The following MPV17L variants were observed in gnomAD, a reference collection of about 807,000 sequenced individuals.
MPV17L encodes MPV17 mitochondrial inner membrane protein like.
A neutral mutation model predicts 25.8 loss-of-function variants in MPV17L; 24 were observed. That is an observed-to-expected ratio of 0.93 (90% confidence interval 0.67 to 1.31). MPV17L has a LOEUF of 1.31. MPV17L is among the 50% of genes most tolerant of loss of function. The probability of loss-of-function intolerance (pLI) is 0.00; values close to 1 mark genes in which losing one functional copy is unlikely to be tolerated. For synonymous variants in MPV17L, 102 were observed against 115.3 expected (o/e 0.88, Z 0.74); for missense variants, 250 against 265.6 (o/e 0.94, Z 0.41).
In MPV17L at chr16:15,412,620, G is replaced by T. The variant is rs1383544299; in HGVS notation, c.*4508G>T. 1 of 149,676 alleles carries T rather than the reference G, an allele frequency of 6.7e-6. No homozygotes were observed. Among genetic ancestry groups the T allele is most frequent in the Non-Finnish European group, 1.5e-5 (1 of 67,638 alleles). The allele number at this position is 149,676 out of a possible 1,614,324, so 9.3% of individuals were successfully genotyped here. ...AGACAGAGTTTCGCTTTGTAGCCCA[G>T]GTTGGAGTGCAGTGTCGCGATCTCG... On this transcript the variant is annotated 3_prime_UTR_variant, in exon 4 of 4. Transcript: ENST00000396385.
chr16:15,404,013 A>G (rs1188805633), intron 2 of MPV17L, among the ~76,000 whole-genome samples: 1 of 151,844 alleles, frequency 6.6e-6, no homozygotes. Context: ...TAAAAATACA[A>G]AAATTAGCAT....
intron 2 of MPV17L, among the ~76,000 whole-genome samples, chr16:15,406,365 G>C (rs1361861078): frequency 2.0e-5 from 3 of 151,968 alleles, no homozygotes; most frequent in African/African-American, 7.2e-5. Context: ...TTAGTAAAAA[G>C]AAGAAAATAA....
chr16:15,397,348 C>A (rs1041950610), intron 1 of MPV17L, among the ~76,000 whole-genome samples: 11 of 152,138 alleles, frequency 7.2e-5, no homozygotes, highest in Non-Finnish European at 1.6e-4. Context: ...CTACAAGTAA[C>A]CTGGGGTCAC....
chr16:15,404,782 A>C (rs2050666780), intron 2 of MPV17L, among the ~76,000 whole-genome samples: 1 of 152,178 alleles, frequency 6.6e-6, no homozygotes, highest in Admixed American at 6.5e-5. Context: ...AGATTGCACC[A>C]CTGCACTCCA....
rs556525697 is a variant in MPV17L at position 15,409,798 on chromosome 16, C to G, written c.*1686C>G. ...AAGGTGCTGGGATTATAGGCATGAG[C>G]CACCGCACCTGGCTCAGTAAGTACA... On this transcript the variant is annotated 3_prime_UTR_variant, in exon 4 of 4. Transcript: ENST00000396385. The G allele has an allele frequency of 6.6e-6, 1 of 152,170 alleles. No homozygotes were observed. Among genetic ancestry groups the G allele is most frequent in the African/African-American group, 2.4e-5 (1 of 41,438 alleles). The allele number at this position is 152,170 out of a possible 1,614,324, so 9.4% of individuals were successfully genotyped here.
rs776145512 is a variant in MPV17L, at chr16:15,400,853, A to T, written c.377A>T (p.Tyr126Phe). The T allele has an allele frequency of 1.3e-6, 2 of 1,598,468 alleles. No individual in the cohort carries two copies. Among genetic ancestry groups the T allele is most frequent in the Non-Finnish European group, 1.7e-6 (2 of 1,171,516 alleles). ...LDLKQKFWNT[Y>F]LSGLMYWPFV... is the part of the protein sequence containing the mutation. ...CTGAAACAGAAATTCTGGAATACCT[A>T]TCTGGTAAGATAGGCGTTTGAAAAT... Residue 126 changes from tyrosine (Y) to phenylalanine (F), a missense_variant, in exon 2 of 4, where the codon TAT becomes TTT. Physicochemically the swap from Tyr to Phe is conservative, Grantham distance 22. Coordinates refer to ENST00000396385, the MANE Select transcript of MPV17L (RefSeq NM_001128423.2).
chr16:15,402,981 A>T (rs1216046793), intron 2 of MPV17L, among the ~76,000 whole-genome samples: 1 of 151,272 alleles, frequency 6.6e-6, no homozygotes, highest in Non-Finnish European at 1.5e-5. Flanking sequence ...ATACCCAGCC[A>T]CTTCTTCTGT....
In MPV17L at chr16:15,408,170, C is replaced by T. The variant is rs1403567431; in HGVS notation, c.*58C>T. 1.5e-6 allele frequency: 2 copies of T among 1,364,036 alleles called. No homozygotes were observed. The highest frequency in any genetic ancestry group is 3.7e-4 in the Middle Eastern group (2 of 5,408). The allele number at this position is 1,364,036 out of a possible 1,614,324, so 84.5% of individuals were successfully genotyped here. On this transcript the variant is annotated 3_prime_UTR_variant, in exon 4 of 4. Coordinates refer to ENST00000396385, the MANE Select transcript of MPV17L (RefSeq NM_001128423.2). The stretch of plus-strand genomic sequence containing the variant: ...TTTTACCTAAAATGCACAGAATTGC[C>T]TGCAGACAAAATATTTGATGTGCCA...
In MPV17L at chr16:15,395,978, C is replaced by T. The variant is rs746870236; in HGVS notation, c.81C>T (p.Leu27=). The T allele has an allele frequency of 5.3e-6, 8 of 1,513,458 alleles. No homozygotes were observed. Among genetic ancestry groups the T allele is most frequent in the South Asian group, 5.0e-5 (4 of 80,580 alleles). The allele number at this position is 1,513,458 out of a possible 1,614,324, so 93.8% of individuals were successfully genotyped here. ...CCAACGTGCTGCTTTACGGCTCGCT[C>T]GTCTCGGCCGGGGACGCGCTGCAAC... ...WPTNVLLYGS[L]VSAGDALQQR... is the part of the protein sequence containing the mutation. The change falls in exon 1 of 4, where the codon CTC becomes CTT. Residue 27 remains leucine (L), a synonymous_variant. Coordinates refer to ENST00000396385, the MANE Select transcript of MPV17L (RefSeq NM_001128423.2).
rs2050736353 is a variant in MPV17L, at chr16:15,411,870, T to A, written c.*3758T>A. 1 of 152,194 alleles carries A rather than the reference T, an allele frequency of 6.6e-6. No homozygotes were observed. The highest frequency in any genetic ancestry group is 1.5e-5 in the Non-Finnish European group (1 of 68,058). The allele number at this position is 152,194 out of a possible 1,614,324, so 9.4% of individuals were successfully genotyped here. Reference sequence around the variant, plus strand: ...AGGTGGCTGAGACAGGAGAATCGCTTGAACCTGGGAGGCATAGGTTGTAGT... The same window carrying A: ...AGGTGGCTGAGACAGGAGAATCGCTAGAACCTGGGAGGCATAGGTTGTAGT... On this transcript the variant is annotated 3_prime_UTR_variant, in exon 4 of 4. Transcript: ENST00000396385.
At chr16:15,400,453 C>T (rs1356743447) in intron 1 of MPV17L, among the ~76,000 whole-genome samples, 2 of 151,002 alleles carry the variant, frequency 1.3e-5, no homozygotes, top group South Asian at 2.1e-4. Context: ...CAGGCTCAAG[C>T]GATCCTCCCA....
chr16:15,403,368 CAAAAAAA>C (rs36042308), intron 2 of MPV17L, among the ~76,000 whole-genome samples: 1 of 73,050 alleles, frequency 1.4e-5, no homozygotes, highest in African/African-American at 5.8e-5. Flanking sequence ...GACTCCGTCT[CAAAAAAA>C]AAAAAAAAAA....
intron 2 of MPV17L, 109 bp from the exon 3 acceptor site, chr16:15,407,715 C>A (rs554007786): frequency 1.9e-6 from 2 of 1,069,108 alleles, no homozygotes; most frequent in African/African-American, 3.2e-5. Context: ...GCACTCCAGT[C>A]TGGGCAACAG....
chr16:15,411,500 G>A lies in MPV17L; in HGVS notation c.*3388G>A, dbSNP rs970131727. On this transcript the variant is annotated 3_prime_UTR_variant, in exon 4 of 4. Coordinates refer to ENST00000396385, the MANE Select transcript of MPV17L (RefSeq NM_001128423.2). Reference sequence around the variant, plus strand: ...GTCTCTCCAAAACCTACAAAAATTAGCCAAGCATGGTGGTGTGAGCCTGTA... The same window carrying A: ...GTCTCTCCAAAACCTACAAAAATTAACCAAGCATGGTGGTGTGAGCCTGTA... 4 of 151,930 alleles carry A rather than the reference G, an allele frequency of 2.6e-5. No homozygotes were observed. The highest frequency in any genetic ancestry group is 9.7e-5 in the African/African-American group (4 of 41,346). 9.4% of individuals were successfully genotyped at this position (151,930 alleles called of 1,614,324 possible).
At chr16:15,400,588 A>T (rs561058538) in intron 1 of MPV17L, among the ~76,000 whole-genome samples, 199 bp from the exon 2 acceptor site, 1 of 152,026 alleles carries the variant, frequency 6.6e-6, no homozygotes, top group South Asian at 2.1e-4. Context: ...GGACTCAAGC[A>T]ATCTGCCTGC....
intron 2 of MPV17L, among the ~76,000 whole-genome samples, chr16:15,401,453 A>G (rs1407477108): frequency 1.3e-5 from 2 of 152,068 alleles, no homozygotes; most frequent in African/African-American, 2.4e-5. Flanking sequence ...TGACATAGAA[A>G]TCTTAAAGTT....
intron 2 of MPV17L, among the ~76,000 whole-genome samples, chr16:15,404,916 G>C (rs222906): frequency 0.21 from 32,544 of 152,108 alleles, 4,145 homozygotes; most frequent in East Asian, 0.41. Flanking sequence ...GGAGATTGCC[G>C]AAGCACAGAG....
chr16:15,399,536 G>A (rs1489810960), intron 1 of MPV17L: 7 of 390,106 alleles, frequency 1.8e-5, no homozygotes, highest in South Asian at 9.7e-5. Context: ...CTCTGGAGTA[G>A]CTGGGACTAC....
rs2050580418 is a variant in MPV17L, at chr16:15,396,186, G to A, written c.289G>A (p.Ala97Thr). The A allele has an allele frequency of 1.3e-6, 2 of 1,549,942 alleles. No individual in the cohort carries two copies. The highest frequency in any genetic ancestry group is 1.4e-5 in the African/African-American group (1 of 73,178). Residue 97 changes from alanine to threonine, a missense_variant, in exon 1 of 4, where the codon GCG becomes ACG. Coordinates refer to ENST00000396385, the MANE Select transcript of MPV17L (RefSeq NM_001128423.2). The stretch of plus-strand genomic sequence containing the variant: ...CGACCAGGTGGTCGGTGCGCCCATC[G>A]CGGTCTCGGCCTTCTATGTCGGTGA... Reference protein sequence around the residue: ...LCDQVVGAPIAVSAFYVGMSI... With the variant: ...LCDQVVGAPITVSAFYVGMSI...
Sources: gnomAD v4.1 joint callset for allele counts (sites outside exome capture counted in the v4.1 genomes callset) on GRCh38, gnomAD v4.1.1 for gene constraint, MANE v1.5 for transcripts, NCBI Gene and HGNC (gene_info 2026-07-23, HGNC 2026-07-21) for gene names.